The following PTPRD variants were observed in gnomAD, a reference collection of about 807,000 sequenced individuals.
PTPRD encodes protein tyrosine phosphatase receptor type D.
PTPRD carries 34 observed loss-of-function variants against 214.5 expected under a neutral mutation model. The ratio of observed to expected loss-of-function variants is 0.16; its 90% CI spans 0.12 to 0.21. The LOEUF is 0.21. PTPRD is among the 10% of genes least tolerant of loss of function. The probability of loss-of-function intolerance (pLI) is 1.00; values close to 1 mark genes in which losing one functional copy is unlikely to be tolerated. For missense variants in PTPRD, 2,545 were observed against 2,398.7 expected, an observed-to-expected ratio of 1.06 and a Z score of -1.27; for synonymous variants, 1,128 against 845.7, an observed-to-expected ratio of 1.33 and a Z score of -5.79.
At chr9:10,072,417 T>A (rs900679670) in intron 3 of PTPRD, among the ~76,000 whole-genome samples, 4 of 152,112 alleles carry the variant, frequency 2.6e-5, no homozygotes, top group African/African-American at 4.8e-5. Flanking sequence ...GCCATGGACC[T>A]TCGCAGTGAG....
intron 10 of PTPRD, among the ~76,000 whole-genome samples, chr9:9,125,530 G>A (rs1215835578): frequency 6.6e-6 from 1 of 152,130 alleles, no homozygotes; most frequent in Non-Finnish European, 1.5e-5. Context: ...TTCAGACTAT[G>A]AGCCTTCAGG....
At chr9:9,200,614 C>T (rs1221896857) in intron 9 of PTPRD, among the ~76,000 whole-genome samples, 4 of 152,182 alleles carry the variant, frequency 2.6e-5, no homozygotes, top group African/African-American at 9.7e-5. Flanking sequence ...CTGTCTGTTG[C>T]AGATTTCATT....
rs1376268725 is a variant in PTPRD, at chr9:8,947,073, AT to A, written c.-104+71623del. ...TGTGTCTCGATCTTCCTCCGGTTTTATTTATCTCTTACTCCTTTAAATGTTC... is the reference window on the plus strand; with the variant it reads ...TGTGTCTCGATCTTCCTCCGGTTTTATTATCTCTTACTCCTTTAAATGTTC... On this transcript the variant is annotated intron_variant, in intron 11 of 45. Coordinates refer to ENST00000381196, the MANE Select transcript of PTPRD (RefSeq NM_002839.4). Among the ~76,000 whole-genome samples, 4 of 59,982 alleles carry A rather than the reference AT, an allele frequency of 6.7e-5. No individual in the cohort carries two copies. In the East Asian group the frequency reaches 1.5e-3, roughly 22 times the overall value. The allele number at this position is 59,982 out of a possible 152,430, so 39.4% of individuals were successfully genotyped here.
intron 9 of PTPRD, among the ~76,000 whole-genome samples, chr9:9,249,952 G>A (rs1430655451): frequency 6.6e-6 from 1 of 151,936 alleles, no homozygotes; most frequent in African/African-American, 2.4e-5. Flanking sequence ...GAGGAAATTG[G>A]GAGAAAAGTG....
At chr9:10,314,302 G>A (rs1565229643) in intron 3 of PTPRD, among the ~76,000 whole-genome samples, 1 of 151,840 alleles carries the variant, frequency 6.6e-6, no homozygotes, top group Non-Finnish European at 1.5e-5. Context: ...AATAAAAAGG[G>A]TGAAATTTCC....
intron 14 of PTPRD, among the ~76,000 whole-genome samples, chr9:8,632,336 C>A (rs1473704067): frequency 6.6e-6 from 1 of 151,760 alleles, no homozygotes; most frequent in African/African-American, 2.4e-5. Flanking sequence ...ACCATCCCTC[C>A]ATGGGGGTAA....
chr9:8,965,311 C>T (rs1006683910), intron 11 of PTPRD, among the ~76,000 whole-genome samples: 2 of 149,664 alleles, frequency 1.3e-5, no homozygotes, highest in African/African-American at 2.5e-5. Flanking sequence ...ACCCGGGAGG[C>T]GGAGGTTGCA....
chr9:8,417,294 A>G (rs968209021), intron 35 of PTPRD, among the ~76,000 whole-genome samples: 11 of 152,158 alleles, frequency 7.2e-5, no homozygotes, highest in Non-Finnish European at 1.6e-4. Flanking sequence ...CCTGGTTTCT[A>G]CACACCCAAC....
chr9:10,205,243 C>CA (rs1180471788), intron 3 of PTPRD, among the ~76,000 whole-genome samples: 3 of 150,926 alleles, frequency 2.0e-5, no homozygotes, highest in Non-Finnish European at 2.9e-5. Flanking sequence ...TTTTCAACTG[C>CA]AAAAAATACA....
At chr9:10,071,972 T>TCC (rs2098028704) in intron 3 of PTPRD, among the ~76,000 whole-genome samples, 4 of 151,972 alleles carry the variant, frequency 2.6e-5, no homozygotes, top group African/African-American at 9.7e-5. Context: ...TCCTGTGTAT[T>TCC]TGCTACTTAG....
chr9:9,412,100 T>C (rs1283029978), intron 8 of PTPRD, among the ~76,000 whole-genome samples: 1 of 152,234 alleles, frequency 6.6e-6, no homozygotes, highest in East Asian at 1.9e-4. Flanking sequence ...AAATTTTATG[T>C]AAAACTCAAT....
At chr9:9,763,860 G>C (rs1597139407) in intron 6 of PTPRD, among the ~76,000 whole-genome samples, 1 of 151,968 alleles carries the variant, frequency 6.6e-6, no homozygotes, top group Non-Finnish European at 1.5e-5. Context: ...TTTTTAAATA[G>C]ACACAATCAC....
chr9:10,523,351 G>A (rs1566722320), intron 2 of PTPRD, among the ~76,000 whole-genome samples: 1 of 151,494 alleles, frequency 6.6e-6, no homozygotes, highest in African/African-American at 2.4e-5. Context: ...TTTCCTGCAT[G>A]CCTTGATATA....
At chr9:8,385,356 G>A (rs1239325927) in intron 37 of PTPRD, among the ~76,000 whole-genome samples, 1 of 152,154 alleles carries the variant, frequency 6.6e-6, no homozygotes, top group Non-Finnish European at 1.5e-5. Context: ...GTGAGACTCT[G>A]TCTCTACAAA....
intron 4 of PTPRD, among the ~76,000 whole-genome samples, chr9:9,966,992 T>A (rs562456400): frequency 6.6e-6 from 1 of 152,106 alleles, no homozygotes; most frequent in South Asian, 2.1e-4. Flanking sequence ...TAATGGAGAG[T>A]TTAGGGACTA....
intron 11 of PTPRD, among the ~76,000 whole-genome samples, chr9:8,777,978 T>C (rs1267702858): frequency 2.0e-5 from 3 of 152,190 alleles, no homozygotes; most frequent in Non-Finnish European, 4.4e-5. Flanking sequence ...GCGTCTTCCA[T>C]ATCAATGCTT....
At chr9:9,482,819 T>C (rs899194508) in intron 8 of PTPRD, among the ~76,000 whole-genome samples, 1 of 152,182 alleles carries the variant, frequency 6.6e-6, no homozygotes, top group Non-Finnish European at 1.5e-5. Context: ...TTCTATATTT[T>C]ACTGAAGGAT....
At chr9:9,343,483 A>G (rs766806505) in intron 9 of PTPRD, among the ~76,000 whole-genome samples, 2 of 152,122 alleles carry the variant, frequency 1.3e-5, no homozygotes, top group African/African-American at 2.4e-5. Flanking sequence ...AGTGATGATG[A>G]GCTTTTTTTC....
chr9:9,599,265 C>T lies in PTPRD; in HGVS notation c.-286-24484G>A, dbSNP rs183977347. On this transcript the variant is annotated intron_variant, in intron 7 of 45. Coordinates refer to ENST00000381196, the MANE Select transcript of PTPRD (RefSeq NM_002839.4). Reference sequence around the variant, plus strand: ...TAATGTCATAAATTAGTAACTCTTCCGATGCTCGTTAGGAATATAGGGAGA... The same window carrying T: ...TAATGTCATAAATTAGTAACTCTTCTGATGCTCGTTAGGAATATAGGGAGA... 8.5e-5 allele frequency among the ~76,000 whole-genome samples: 13 copies of T among 152,104 alleles called. No homozygotes were observed. In the East Asian group the frequency reaches 1.2e-3, roughly 14 times the overall value.
Sources: allele counts gnomAD v4.1 joint callset (sites outside exome capture counted in the v4.1 genomes callset), GRCh38; gene constraint gnomAD v4.1.1; transcripts MANE v1.5; gene names NCBI Gene and HGNC (gene_info 2026-07-23, HGNC 2026-07-21).